SCP2: variants seen among roughly 807,000 people sequenced by gnomAD.
SCP2 encodes sterol carrier protein 2.
A neutral mutation model predicts 71.4 loss-of-function variants in SCP2; 48 were observed. The ratio of observed to expected loss-of-function variants is 0.67; its 90% CI spans 0.53 to 0.86. The LOEUF (loss-of-function observed/expected upper bound fraction) is 0.86. SCP2 is among the 40% of genes least tolerant of loss of function. SCP2 has a pLI of 0.00. For missense variants in SCP2, 560 were observed against 655.6 expected (o/e 0.85, Z 1.59); for synonymous variants, 220 against 218.1 (o/e 1.01, Z -0.08).
intron 11 of SCP2, among the ~76,000 whole-genome samples, chr1:52,998,861 A>G (rs919643464): frequency 1.3e-5 from 2 of 152,122 alleles, no homozygotes; most frequent in African/African-American, 4.8e-5. Context: ...TTGACAGGTC[A>G]TCTGTTTTTC....
chr1:52,947,963 A>G, intron 2 of SCP2, 46 bp from the exon 3 acceptor site: 1 of 1,341,462 alleles, frequency 7.5e-7, no homozygotes, highest in Non-Finnish European at 1.1e-6. Context: ...CTCTCCTAAA[A>G]CAAATACTTA....
In SCP2 at chr1:53,016,302, T is replaced by C. The variant is rs985207228; in HGVS notation, c.1235+1259T>C. On this transcript the variant is annotated intron_variant, in intron 12 of 15. Coordinates refer to ENST00000371514, the MANE Select transcript of SCP2 (RefSeq NM_002979.5). Reference sequence around the variant, plus strand: ...TTGTATGTTTTTGGGTACTATCTAGTTGGTTTGGTTGCACTGTATCCGGTT... The same window carrying C: ...TTGTATGTTTTTGGGTACTATCTAGCTGGTTTGGTTGCACTGTATCCGGTT... Among the ~76,000 whole-genome samples the C allele has an allele frequency of 1.3e-5, 2 of 152,184 alleles. 1 individual carries two copies. Among genetic ancestry groups the C allele is most frequent in the African/African-American group, 4.8e-5 (2 of 41,452 alleles).
chr1:53,043,492 A>G (rs2150270876), intron 14 of SCP2, among the ~76,000 whole-genome samples: 1 of 152,370 alleles, frequency 6.6e-6, no homozygotes, highest in African/African-American at 2.4e-5. Flanking sequence ...CCTAAAACAA[A>G]AGGAAGCTGT....
At chr1:53,037,930 AGAT>A (rs1663115454) in intron 13 of SCP2, among the ~76,000 whole-genome samples, 1 of 119,586 alleles carries the variant, frequency 8.4e-6, no homozygotes, top group African/African-American at 3.0e-5. Context: ...ACACACACAC[AGAT>A]CCAGATCCTG....
At chr1:53,012,817 A>G (rs1661068254) in intron 11 of SCP2, among the ~76,000 whole-genome samples, 2 of 152,152 alleles carry the variant, frequency 1.3e-5, no homozygotes, top group African/African-American at 4.8e-5. Context: ...TACCAATTTG[A>G]TTGGTGTAAA....
At chr1:52,975,139 C>G (rs949141708) in intron 7 of SCP2, among the ~76,000 whole-genome samples, 2 of 151,918 alleles carry the variant, frequency 1.3e-5, no homozygotes, top group Non-Finnish European at 2.9e-5. Context: ...ACCTCTACCT[C>G]CCTAGTAGCT....
At chr1:53,038,792 G>A in intron 13 of SCP2, 125 bp from the exon 14 acceptor site, 1 of 1,154,054 alleles carries the variant, frequency 8.7e-7, no homozygotes, top group Non-Finnish European at 1.3e-6. Flanking sequence ...AAGATCATAA[G>A]GGACCTTGGG....
Position 53,018,753 on chromosome 1 carries a change from A to AG in SCP2, c.1235+3711dup, listed in dbSNP as rs1392959692. ...AAGACTCTGTTTCAAAAAAAAAAAA[A>AG]GAAAAAAGAAAGACATGGATACAAT... On this transcript the variant is annotated intron_variant, in intron 12 of 15. Transcript: ENST00000371514. Among the ~76,000 whole-genome samples, 3 of 151,912 alleles carry AG rather than the reference A, an allele frequency of 2.0e-5. No individual in the cohort carries two copies. In the East Asian group the frequency reaches 5.8e-4, roughly 29 times the overall value.
intron 11 of SCP2, among the ~76,000 whole-genome samples, chr1:52,988,968 C>T (rs970009813): frequency 2.6e-5 from 4 of 152,086 alleles, no homozygotes; most frequent in Admixed American, 1.3e-4. Flanking sequence ...CTGGGATTAC[C>T]GGCATGGGCC....
At chr1:53,037,950 TACACACACACACACACACACACACACAC>T (rs67763248) in intron 13 of SCP2, among the ~76,000 whole-genome samples, 1 of 120,362 alleles carries the variant, frequency 8.3e-6, no homozygotes, top group African/African-American at 3.3e-5. Context: ...CCTGTCTCTA[TACACACACACACACACACACACACACAC>T]ACACACACAC....
chr1:52,974,970 T>C, intron 7 of SCP2, 138 bp downstream of exon 7: 1 of 643,894 alleles, frequency 1.6e-6, no homozygotes, highest in South Asian at 1.8e-5. Flanking sequence ...ACAAAAGGCT[T>C]ATACGCAAGT....
At chr1:53,026,941 CTTT>C (rs758073714) in intron 12 of SCP2, among the ~76,000 whole-genome samples, 1 of 134,000 alleles carries the variant, frequency 7.5e-6, no homozygotes, top group Non-Finnish European at 1.6e-5. Context: ...AACTGCTGCA[CTTT>C]TTTTTTTTTT....
Position 52,954,798 on chromosome 1 carries a change from A to G in SCP2, c.390A>G (p.Gly130=). 1 of 1,612,828 alleles carries G rather than the reference A, an allele frequency of 6.2e-7. No individual in the cohort carries two copies. Among genetic ancestry groups the G allele is most frequent in the Non-Finnish European group, 8.5e-7 (1 of 1,178,838 alleles). The part of the protein sequence containing the change: ...GFEKMSKGSL[G]IKFSDRTIPT... ...AGAAGATGAGTAAGGGAAGCCTTGG[A>G]ATAAAAGTGAGTGTTATTTTGGCAT... is the stretch of plus-strand genomic sequence containing the variant. The change falls in exon 5 of 16, where the codon GGA becomes GGG. Residue 130 remains glycine, a synonymous_variant. Transcript: ENST00000371514.
intron 11 of SCP2, among the ~76,000 whole-genome samples, chr1:52,998,423 T>C (rs187790011): frequency 2.0e-5 from 3 of 151,792 alleles, no homozygotes; most frequent in Admixed American, 6.6e-5. Flanking sequence ...AAGCAAGACT[T>C]TGTCTCTACA....
intron 4 of SCP2, among the ~76,000 whole-genome samples, chr1:52,951,958 A>T (rs1655358319): frequency 6.6e-6 from 1 of 152,080 alleles, no homozygotes; most frequent in South Asian, 2.1e-4. Context: ...ACCTCAAGTG[A>T]TGTGCTCACC....
intron 1 of SCP2, chr1:52,934,846 T>C (rs1237812692): frequency 6.7e-6 from 1 of 149,630 alleles, no homozygotes; most frequent in East Asian, 2.0e-4. Flanking sequence ...TTTGTATTTT[T>C]AGTAGAGATG....
At chr1:53,047,424 A>C (rs913104078) in intron 14 of SCP2, among the ~76,000 whole-genome samples, 6 of 152,344 alleles carry the variant, frequency 3.9e-5, no homozygotes, top group Middle Eastern at 3.4e-3. Flanking sequence ...TACTATTAGT[A>C]ATATATTGGT....
In SCP2 at chr1:53,050,684, C is replaced by T. The variant is rs376079960; in HGVS notation, c.1624C>T (p.Pro542Ser). 9.3e-6 allele frequency: 15 copies of T among 1,612,012 alleles called. No individual in the cohort carries two copies. The highest frequency in any genetic ancestry group is 3.3e-5 in the Admixed American group (2 of 59,990). ...AMKLQNLQLQ[P>S]GNAKL ...GAAGTTACAAAATCTTCAGCTTCAG[C>T]CAGGCAACGCTAAGCTCTGAAGAAC... is the stretch of plus-strand genomic sequence containing the variant. Residue 542 changes from proline to serine, a missense_variant, in exon 16 of 16, where the codon CCA (proline) becomes TCA (serine). By Grantham distance (74) the Pro-to-Ser change is moderately conservative. Transcript: ENST00000371514.
chr1:52,939,857 A>G (rs927660393), intron 1 of SCP2, among the ~76,000 whole-genome samples: 4 of 151,966 alleles, frequency 2.6e-5, no homozygotes, highest in African/African-American at 9.7e-5. Flanking sequence ...TTTAGTAGAG[A>G]CAGGGTTTCA....
Sources: allele counts gnomAD v4.1 joint callset (sites outside exome capture counted in the v4.1 genomes callset), GRCh38; gene constraint gnomAD v4.1.1; transcripts MANE v1.5; gene names NCBI Gene and HGNC (gene_info 2026-07-23, HGNC 2026-07-21).